The following POR variants were observed in gnomAD, a reference collection of about 807,000 sequenced individuals.
POR encodes cytochrome p450 oxidoreductase, also known as NADPH--cytochrome P450 reductase.
POR carries 56 observed loss-of-function variants against 84.0 expected under a neutral mutation model. The observed-to-expected ratio is 0.67, with a 90% confidence interval of 0.54 to 0.83. The LOEUF is 0.83. POR is among the 40% of genes least tolerant of loss of function. POR has a pLI of 0.00. For missense variants in POR, 938 were observed against 944.3 expected (o/e 0.99, Z 0.09); for synonymous variants, 414 against 400.5 (o/e 1.03, Z -0.40).
At chr7:75,929,631 A>G (rs1794943237) in intron 1 of POR, among the ~76,000 whole-genome samples, 1 of 152,120 alleles carries the variant, frequency 6.6e-6, no homozygotes, top group Non-Finnish European at 1.5e-5. Context: ...CTGGGGAAGG[A>G]ATGACCAATA....
rs1563434202 is a variant in POR at position 75,984,954 on chromosome 7, G to GCAAGGTGC, written c.1245_1248+4dup. 6.3e-7 allele frequency: 1 copy of GCAAGGTGC among 1,591,488 alleles called. No homozygotes were observed. Among genetic ancestry groups the GCAAGGTGC allele is most frequent in the Non-Finnish European group, 8.6e-7 (1 of 1,166,552 alleles). On this transcript the variant is annotated frameshift_variant, in exon 11 of 16. Transcript: ENST00000461988. LOFTEE classifies it high-confidence loss of function. ...AAGATGGCCTCCTCCTCCGGCGAGG[G>GCAAGGTGC]CAAGGTGCGCCCCCTCAGCCCCCGC...
At chr7:75,976,930 A>G (rs1288963130) in intron 3 of POR, among the ~76,000 whole-genome samples, 2 of 152,044 alleles carry the variant, frequency 1.3e-5, no homozygotes, top group African/African-American at 4.8e-5. Flanking sequence ...AGCTCACTTC[A>G]GCCTCAACCT....
At chr7:75,980,651 A>C in intron 5 of POR, 163 bp downstream of exon 5, 3 of 1,549,598 alleles carry the variant, frequency 1.9e-6, no homozygotes, top group Non-Finnish European at 2.6e-6. Context: ...AGACCCCAGC[A>C]CTACGAGAAT....
chr7:75,983,674 T>C (rs556003823), intron 9 of POR, 38 bp downstream of exon 9: 1 of 1,607,906 alleles, frequency 6.2e-7, no homozygotes, highest in South Asian at 1.1e-5. Context: ...ACCCTCACTC[T>C]GGGCCTCCTG....
chr7:75,920,850 T>C (rs1157112510), intron 1 of POR, among the ~76,000 whole-genome samples: 1 of 152,196 alleles, frequency 6.6e-6, no homozygotes, highest in Non-Finnish European at 1.5e-5. Flanking sequence ...ATGGCAGTTC[T>C]TGAATACACA....
intron 2 of POR, among the ~76,000 whole-genome samples, chr7:75,967,002 C>T (rs1017149974): frequency 1.7e-4 from 26 of 152,126 alleles, no homozygotes; most frequent in Non-Finnish European, 2.9e-4. Context: ...CAGGGTCTCA[C>T]TCTGTCAACC....
chr7:75,980,822 T>C lies in POR; in HGVS notation c.517-226T>C, dbSNP rs895104230. On this transcript the variant is annotated intron_variant, in intron 5 of 15. Transcript: ENST00000461988. ...TGGGCTGGCCCCGCTTCCCTGTGGGTTGAGGCTGGCAGTGGACGGGGCAGG... is the reference window on the plus strand; with the variant it reads ...TGGGCTGGCCCCGCTTCCCTGTGGGCTGAGGCTGGCAGTGGACGGGGCAGG... 3.3e-6 allele frequency: 4 copies of C among 1,217,340 alleles called. No individual in the cohort carries two copies. In the African/African-American group the frequency reaches 6.1e-5, roughly 19 times the overall value. The allele number at this position is 1,217,340 out of a possible 1,614,324, so 75.4% of individuals were successfully genotyped here. A position where few individuals can be genotyped will look rare whatever the true frequency, so the allele number is the denominator to read the frequency against.
In POR at chr7:75,981,276, C is replaced by T. The variant is rs72557918; in HGVS notation, c.641+104C>T. The T allele has an allele frequency of 9.8e-5, 140 of 1,427,926 alleles. No individual in the cohort carries two copies. The African/African-American group carries it at 1.4e-3, about 14-fold the overall frequency. The allele number at this position is 1,427,926 out of a possible 1,614,324, so 88.5% of individuals were successfully genotyped here. ...TTGTGTCAGCTGAGACTCAGCGACA[C>T]GCACCTCCAACACAGAGGGAAGGGG... On this transcript the variant is annotated intron_variant, in intron 6 of 15. Transcript: ENST00000461988.
chr7:75,924,564 G>A (rs1807028529), intron 1 of POR, among the ~76,000 whole-genome samples: 1 of 152,100 alleles, frequency 6.6e-6, no homozygotes, highest in Admixed American at 6.6e-5. Context: ...AATTAGCTGG[G>A]TGTGGTGGTG....
chr7:75,968,180 C>T (rs1367627242), intron 2 of POR: 1 of 461,942 alleles, frequency 2.2e-6, no homozygotes, highest in Non-Finnish European at 4.4e-6. Context: ...GCCCCTTGGC[C>T]AGGGGACGCC....
Position 75,983,540 on chromosome 7 carries a change from C to A in POR, c.851C>A (p.Pro284Gln). ...CCCAGCCCCTTTGATGCCAAGAATC[C>A]GTTCCTGGCTGCAGTCACCACCAAC... Residue 284 changes from proline to glutamine, a missense_variant, in exon 9 of 16, where the codon CCG becomes CAG. Physicochemically the swap from Pro to Gln is moderately conservative, Grantham distance 76 (BLOSUM62 -1). Transcript: ENST00000461988. 2 of 1,612,920 alleles carry A rather than the reference C, an allele frequency of 1.2e-6. No homozygotes were observed. The highest frequency in any genetic ancestry group is 1.7e-6 in the Non-Finnish European group (2 of 1,179,724).
chr7:75,923,994 G>A (rs1806998352), intron 1 of POR, among the ~76,000 whole-genome samples: 2 of 152,138 alleles, frequency 1.3e-5, no homozygotes, highest in South Asian at 4.1e-4. Context: ...TACGTTGGCT[G>A]CTGCCTTGTC....
chr7:75,973,070 G>A (rs1356005499), intron 3 of POR, among the ~76,000 whole-genome samples: 7 of 152,064 alleles, frequency 4.6e-5, no homozygotes, highest in African/African-American at 1.2e-4. Context: ...TGATCCGCCC[G>A]CCTCAGCCTC....
Position 75,985,809 on chromosome 7 carries a change from C to A in POR, c.1629C>A (p.Phe543Leu). Residue 543 changes from phenylalanine (F) to leucine (L), a missense_variant, in exon 13 of 16, where the codon TTC becomes TTA. Physicochemically the swap from Phe to Leu is conservative, Grantham distance 22. Coordinates refer to ENST00000461988, the MANE Select transcript of POR (RefSeq NM_000941.3). The stretch of plus-strand genomic sequence containing the variant: ...GCCCCGGCACCGGGGTGGCACCCTT[C>A]ATAGGCTTCATCCAGGAGCGGGCCT... 6.4e-7 allele frequency: 1 copy of A among 1,560,594 alleles called. No individual in the cohort carries two copies. Among genetic ancestry groups the A allele is most frequent in the South Asian group, 1.2e-5 (1 of 84,706 alleles).
At chr7:75,980,769 A>G (rs1788971974) in intron 5 of POR, 5 of 1,421,838 alleles carry the variant, frequency 3.5e-6, no homozygotes, top group South Asian at 2.8e-5. Context: ...GGCCTCGGAG[A>G]GCTGGAGCCC....
In POR at chr7:75,980,358, C is replaced by T; in HGVS notation, c.386C>T (p.Pro129Leu). Residue 129 changes from proline (P) to leucine (L), a missense_variant, in exon 5 of 16, where the codon CCA becomes CTA. Transcript: ENST00000461988. Reference sequence around the variant, plus strand: ...CTGCAGGCCGACCTGAGCAGCCTGCCAGAGATCGACAACGCCCTGGTGGTT... The same window carrying T: ...CTGCAGGCCGACCTGAGCAGCCTGCTAGAGATCGACAACGCCCTGGTGGTT... 1 of 1,612,968 alleles carries T rather than the reference C, an allele frequency of 6.2e-7. No individual in the cohort carries two copies. Among genetic ancestry groups the T allele is most frequent in the South Asian group, 1.1e-5 (1 of 91,082 alleles).
At chr7:75,973,801 C>G (rs1788552259) in intron 3 of POR, among the ~76,000 whole-genome samples, 1 of 149,336 alleles carries the variant, frequency 6.7e-6, no homozygotes, top group South Asian at 2.1e-4. Context: ...CCCGCATCAG[C>G]CTCCGGAGTA....
chr7:75,973,935 C>T (rs1203446309), intron 3 of POR, among the ~76,000 whole-genome samples: 1 of 151,942 alleles, frequency 6.6e-6, no homozygotes, highest in East Asian at 1.9e-4. Flanking sequence ...GCCTCGGTCT[C>T]CCAAAGTGCT....
At chr7:75,984,637 G>C in intron 10 of POR, 140 bp from the exon 11 acceptor site, 1 of 734,300 alleles carries the variant, frequency 1.4e-6, no homozygotes. Flanking sequence ...AGGCATCAGA[G>C]AGCATAGGCC....
Sources: allele counts gnomAD v4.1 joint callset (sites outside exome capture counted in the v4.1 genomes callset), GRCh38; gene constraint gnomAD v4.1.1; transcripts MANE v1.5; gene names NCBI Gene and HGNC (gene_info 2026-07-23, HGNC 2026-07-21).